ABHD12: variants seen among roughly 807,000 people sequenced by gnomAD.
ABHD12 encodes abhydrolase domain containing 12, lysophospholipase.
Under a neutral mutation model 58.3 loss-of-function variants are expected in ABHD12, and 43 were observed. The ratio of observed to expected loss-of-function variants is 0.74; its 90% CI spans 0.58 to 0.95. ABHD12 has a LOEUF of 0.95. ABHD12 is among the 40% of genes least tolerant of loss of function. ABHD12 has a pLI of 0.00. For synonymous variants in ABHD12, 219 were observed against 211.2 expected (o/e 1.04, Z -0.32); for missense variants, 539 against 537.2 (o/e 1.00, Z -0.03).
chr20:25,347,825 T>C (rs1225512424), intron 1 of ABHD12, among the ~76,000 whole-genome samples: 1 of 151,516 alleles, frequency 6.6e-6, no homozygotes, highest in Non-Finnish European at 1.5e-5. Context: ...GTCTATATTA[T>C]ACTTGAAAGG....
At chr20:25,357,290 T>C (rs1371324495) in intron 1 of ABHD12, among the ~76,000 whole-genome samples, 1 of 152,228 alleles carries the variant, frequency 6.6e-6, no homozygotes, top group Non-Finnish European at 1.5e-5. Flanking sequence ...CCATCCAGCC[T>C]AATCAGGCTC....
chr20:25,366,597 T>G (rs1425794780), intron 1 of ABHD12, among the ~76,000 whole-genome samples: 1 of 152,228 alleles, frequency 6.6e-6, no homozygotes, highest in African/African-American at 2.4e-5. Context: ...GAATTTGGAC[T>G]CTTGAGTTAT....
At chr20:25,373,533 TGA>T (rs569936883) in intron 1 of ABHD12, among the ~76,000 whole-genome samples, 82 of 151,880 alleles carry the variant, frequency 5.4e-4, no homozygotes, top group Admixed American at 5.0e-3. Flanking sequence ...GGATACAGAC[TGA>T]GACACCGTCT....
At chr20:25,296,625 TTC>T, downstream of ABHD12, 12 of 1,423,800 alleles carry the variant, frequency 8.4e-6, no homozygotes, top group Non-Finnish European at 1.1e-5. Flanking sequence ...GTCCCTGCTT[TTC>T]TGAGTACCAT....
chr20:25,338,865 T>C lies in ABHD12; in HGVS notation c.316+362A>G. The C allele has an allele frequency of 4.6e-6, 5 of 1,077,316 alleles. 1 individual carries two copies. The South Asian group carries it at 1.5e-4, about 31-fold the overall frequency. The allele number at this position is 1,077,316 out of a possible 1,614,324, so 66.7% of individuals were successfully genotyped here. On this transcript the variant is annotated intron_variant, in intron 2 of 12. Coordinates refer to ENST00000339157, the MANE Select transcript of ABHD12 (RefSeq NM_001042472.3). ...TGATGGCTTCAGCTGACTTCTCATG[T>C]TGTCAACATTTTTACTCACCTCAGC...
chr20:25,356,104 T>G (rs1286839796), intron 1 of ABHD12, among the ~76,000 whole-genome samples: 1 of 152,216 alleles, frequency 6.6e-6, no homozygotes, highest in Non-Finnish European at 1.5e-5. Flanking sequence ...GTTTCTGCGC[T>G]TGGTGGTGAT....
chr20:25,338,962 C>T lies in ABHD12; in HGVS notation c.316+265G>A, dbSNP rs2089416743. ...ACAGAAATCCAGTGCTGGGGAGCAA[C>T]ACTAGCACAGAAAGTCCTCCAGCTG... is the stretch of plus-strand genomic sequence containing the variant. On this transcript the variant is annotated intron_variant, in intron 2 of 12. Coordinates refer to ENST00000339157, the MANE Select transcript of ABHD12 (RefSeq NM_001042472.3). The T allele has an allele frequency of 4.8e-6, 6 of 1,245,182 alleles. 1 individual carries two copies. In the South Asian group the frequency reaches 6.3e-5, roughly 13 times the overall value. 77.1% of individuals were successfully genotyped at this position (1,245,182 alleles called of 1,614,324 possible). A position where few individuals can be genotyped will look rare whatever the true frequency, so the allele number is the denominator to read the frequency against.
chr20:25,345,548 T>C (rs2089507457), intron 1 of ABHD12, among the ~76,000 whole-genome samples: 2 of 152,072 alleles, frequency 1.3e-5, no homozygotes, highest in East Asian at 1.9e-4. Flanking sequence ...CAAAAGTATA[T>C]CTGATGAAAG....
At chr20:25,353,896 G>A (rs1307335017) in intron 1 of ABHD12, among the ~76,000 whole-genome samples, 1 of 152,250 alleles carries the variant, frequency 6.6e-6, no homozygotes, top group East Asian at 1.9e-4. Flanking sequence ...ACTGCTGCGT[G>A]ATCACTAACG....
chr20:25,301,432 A>G (rs1196689144), intron 12 of ABHD12, among the ~76,000 whole-genome samples: 1 of 143,714 alleles, frequency 7.0e-6, no homozygotes, highest in African/African-American at 2.5e-5. Context: ...CTGGCACAAC[A>G]CAACAAAAAA....
At chr20:25,384,639 T>C (rs1261285615) in intron 1 of ABHD12, among the ~76,000 whole-genome samples, 1 of 151,896 alleles carries the variant, frequency 6.6e-6, no homozygotes, top group Admixed American at 6.6e-5. Flanking sequence ...CAGCTACTTG[T>C]AAGGCTGAGG....
intron 1 of ABHD12, among the ~76,000 whole-genome samples, chr20:25,373,041 T>A (rs1217734960): frequency 6.6e-6 from 1 of 152,218 alleles, no homozygotes; most frequent in Non-Finnish European, 1.5e-5. Context: ...CAGTACAGTA[T>A]CATGCTGTGC....
intron 2 of ABHD12, among the ~76,000 whole-genome samples, chr20:25,325,934 G>A (rs1253257360): frequency 2.0e-5 from 3 of 152,000 alleles, no homozygotes; most frequent in African/African-American, 7.3e-5. Context: ...AGCCAGGCGT[G>A]GTGGTGTGCA....
intron 6 of ABHD12, among the ~76,000 whole-genome samples, chr20:25,313,645 A>G (rs964662960): frequency 6.6e-6 from 1 of 152,080 alleles, no homozygotes; most frequent in South Asian, 2.1e-4. Context: ...AGCCAGGTGT[A>G]GTGGTGTGTG....
Position 25,339,508 on chromosome 20 carries a change from A to C in ABHD12, c.192-157T>G, listed in dbSNP as rs2089426024. 7.2e-6 allele frequency: 10 copies of C among 1,392,012 alleles called. No individual in the cohort carries two copies. The South Asian group carries it at 1.1e-4, about 16-fold the overall frequency. 86.2% of individuals were successfully genotyped at this position (1,392,012 alleles called of 1,614,324 possible). A position where few individuals can be genotyped will look rare whatever the true frequency, so the allele number is the denominator to read the frequency against. On this transcript the variant is annotated intron_variant, in intron 1 of 12. Transcript: ENST00000339157. ...TAAAAGTAGCCTCCCACCTGCCTTC[A>C]CTCAAGTAATTATTTTACATAGTCT...
chr20:25,379,217 C>T (rs1339850756), intron 1 of ABHD12, among the ~76,000 whole-genome samples: 1 of 152,222 alleles, frequency 6.6e-6, no homozygotes, highest in Middle Eastern at 3.2e-3. Context: ...CACAGATACA[C>T]AGCAGGTCGT....
intron 1 of ABHD12, among the ~76,000 whole-genome samples, chr20:25,379,312 C>T (rs867768136): frequency 6.6e-6 from 1 of 152,226 alleles, no homozygotes; most frequent in South Asian, 2.1e-4. Flanking sequence ...AGAGCTCAGA[C>T]TGCGCCCACG....
At chr20:25,349,433 T>A (rs758182038) in intron 1 of ABHD12, among the ~76,000 whole-genome samples, 1 of 152,172 alleles carries the variant, frequency 6.6e-6, no homozygotes, top group African/African-American at 2.4e-5. Context: ...TAGATACTTG[T>A]AGACCAATGT....
At chr20:25,324,014 C>T (rs554075122) in intron 2 of ABHD12, among the ~76,000 whole-genome samples, 19 of 152,096 alleles carry the variant, frequency 1.2e-4, no homozygotes, top group Non-Finnish European at 2.5e-4. Context: ...TGTGGGGCAG[C>T]GAGGGGGATG....
Sources: gnomAD v4.1 joint callset for allele counts (sites outside exome capture counted in the v4.1 genomes callset) on GRCh38, gnomAD v4.1.1 for gene constraint, MANE v1.5 for transcripts, NCBI Gene and HGNC (gene_info 2026-07-23, HGNC 2026-07-21) for gene names.